PLPPR5: variants seen among roughly 807,000 people sequenced by gnomAD.
The protein encoded by PLPPR5 is phospholipid phosphatase related 5, also known as phospholipid phosphatase-related protein type 5.
PLPPR5 carries 16 observed loss-of-function variants against 33.9 expected under a neutral mutation model. The ratio of observed to expected loss-of-function variants is 0.47; its 90% CI spans 0.32 to 0.72. PLPPR5 has a LOEUF of 0.72. Among genes scored for constraint, PLPPR5 ranks in the 30% least tolerant of loss-of-function variants. The pLI, the probability that PLPPR5 is intolerant of heterozygous loss-of-function variation, is 0.03. For synonymous variants in PLPPR5, 163 were observed against 150.3 expected, an observed-to-expected ratio of 1.08 and a Z score of -0.62; for missense variants, 301 against 406.7, an observed-to-expected ratio of 0.74 and a Z score of 2.23.
intron 1 of PLPPR5, among the ~76,000 whole-genome samples, chr1:98,985,454 G>A (rs1652222665): frequency 6.6e-6 from 1 of 151,938 alleles, no homozygotes; most frequent in Admixed American, 6.6e-5. Context: ...TCATAACATT[G>A]TAGCACAACT....
intron 3 of PLPPR5, among the ~76,000 whole-genome samples, chr1:98,950,219 C>T (rs918372862): frequency 6.6e-5 from 10 of 151,980 alleles, no homozygotes; most frequent in South Asian, 4.2e-4. Flanking sequence ...AATAATATCA[C>T]GTACTTTAAG....
chr1:98,907,466 T>G (rs1648950954), intron 5 of PLPPR5, among the ~76,000 whole-genome samples: 1 of 152,138 alleles, frequency 6.6e-6, no homozygotes, highest in African/African-American at 2.4e-5. Context: ...AGTGCTGGGA[T>G]TACAAGTGTG....
chr1:98,915,020 TA>T (rs1484277107), intron 4 of PLPPR5, 100 bp from the exon 5 acceptor site: 1 of 1,021,278 alleles, frequency 9.8e-7, no homozygotes, highest in Non-Finnish European at 1.4e-6. Context: ...AAGAAAGTAT[TA>T]AAATTACTTA....
rs1212053932 is a variant in PLPPR5 at position 98,890,657 on chromosome 1, G to A, written c.*2415C>T. On this transcript the variant is annotated 3_prime_UTR_variant, in exon 6 of 6. Transcript: ENST00000263177. Reference sequence around the variant, plus strand: ...AGACTACATATGTACATATTTACATGGTAATATTTTCTGAAATATGATTTT... The same window carrying A: ...AGACTACATATGTACATATTTACATAGTAATATTTTCTGAAATATGATTTT... 1 of 152,410 alleles carries A rather than the reference G, an allele frequency of 6.6e-6. No homozygotes were observed. Among genetic ancestry groups the A allele is most frequent in the African/African-American group, 2.4e-5 (1 of 41,386 alleles). 9.4% of individuals were successfully genotyped at this position (152,410 alleles called of 1,614,324 possible).
intron 1 of PLPPR5, among the ~76,000 whole-genome samples, chr1:98,992,033 T>C (rs1557696066): frequency 6.6e-6 from 1 of 152,162 alleles, no homozygotes; most frequent in Non-Finnish European, 1.5e-5. Context: ...ATGCAGAATA[T>C]ATAAGATAAG....
intron 3 of PLPPR5, among the ~76,000 whole-genome samples, chr1:98,930,587 G>A (rs1570707432): frequency 6.6e-6 from 1 of 152,266 alleles, no homozygotes; most frequent in East Asian, 1.9e-4. Context: ...ATAGGTTTGT[G>A]ATCAGCAACA....
At chr1:98,909,735 C>T (rs1396033558) in intron 5 of PLPPR5, among the ~76,000 whole-genome samples, 1 of 152,120 alleles carries the variant, frequency 6.6e-6, no homozygotes, top group Non-Finnish European at 1.5e-5. Flanking sequence ...CACTACAATG[C>T]ACTGGATCCC....
intron 1 of PLPPR5, among the ~76,000 whole-genome samples, chr1:98,978,414 T>A (rs1315705461): frequency 6.6e-6 from 1 of 152,090 alleles, no homozygotes. Flanking sequence ...TTCAGCTACA[T>A]GTAAATTATT....
At position 98,953,052 on chromosome 1, in the gene PLPPR5, T is replaced by TTTATAATCCTTAC. The variant is rs768323617; in HGVS notation, c.621+5_621+17dup. ...CAATAATACAGACTAAGACAACAAA[T>TTTATAATCCTTAC]TTATAATCCTTACTTACGGTCAGAT... On this transcript the variant is annotated intron_variant, in intron 3 of 5. Transcript: ENST00000263177. The TTTATAATCCTTAC allele has an allele frequency of 6.2e-7, 1 of 1,613,174 alleles. No individual in the cohort carries two copies. The highest frequency in any genetic ancestry group is 8.5e-7 in the Non-Finnish European group (1 of 1,179,480).
chr1:99,002,673 T>C (rs1652894726), intron 1 of PLPPR5, among the ~76,000 whole-genome samples: 1 of 152,100 alleles, frequency 6.6e-6, no homozygotes, highest in Admixed American at 6.5e-5. Flanking sequence ...TCCAAATCAT[T>C]GGGTGAGTGT....
intron 1 of PLPPR5, among the ~76,000 whole-genome samples, chr1:98,981,526 C>T (rs555857463): frequency 7.2e-5 from 11 of 152,106 alleles, no homozygotes; most frequent in Admixed American, 4.6e-4. Flanking sequence ...TTTCTCACTC[C>T]ACTCCACCTC....
At chr1:98,925,705 A>G (rs1199861674) in intron 3 of PLPPR5, among the ~76,000 whole-genome samples, 2 of 149,242 alleles carry the variant, frequency 1.3e-5, no homozygotes, top group Admixed American at 6.7e-5. Context: ...ATAAAAAAAC[A>G]CAAATATTTA....
intron 1 of PLPPR5, among the ~76,000 whole-genome samples, chr1:98,979,358 A>G (rs1352853074): frequency 6.6e-6 from 1 of 152,024 alleles, no homozygotes; most frequent in African/African-American, 2.4e-5. Context: ...TAATTTTTTA[A>G]GCCTCAGTTT....
intron 5 of PLPPR5, among the ~76,000 whole-genome samples, chr1:98,896,821 T>C (rs1301782768): frequency 6.6e-6 from 1 of 151,554 alleles, no homozygotes; most frequent in African/African-American, 2.4e-5. Flanking sequence ...CACCTCCACA[T>C]AGAAAATACA....
At chr1:98,976,084 C>T (rs1450207572) in intron 1 of PLPPR5, among the ~76,000 whole-genome samples, 4 of 84,026 alleles carry the variant, frequency 4.8e-5, no homozygotes, top group Admixed American at 3.1e-4. Flanking sequence ...GATCATCCTA[C>T]TAAAAAGTAA....
intron 1 of PLPPR5, among the ~76,000 whole-genome samples, chr1:98,960,339 G>A (rs963944685): frequency 6.6e-6 from 1 of 151,966 alleles, no homozygotes; most frequent in African/African-American, 2.4e-5. Context: ...AAGTAGGTGG[G>A]ACTATAGGCA....
intron 3 of PLPPR5, among the ~76,000 whole-genome samples, chr1:98,938,675 A>T (rs891583132): frequency 6.6e-6 from 1 of 151,954 alleles, no homozygotes; most frequent in African/African-American, 2.4e-5. Context: ...TGGGCTCATA[A>T]AAGAAGATGA....
intron 3 of PLPPR5, among the ~76,000 whole-genome samples, chr1:98,940,328 T>C (rs1650326262): frequency 6.6e-6 from 1 of 151,830 alleles, no homozygotes; most frequent in Admixed American, 6.6e-5. Flanking sequence ...TGTCTCTTCT[T>C]ATAAGGACAC....
Position 98,914,873 on chromosome 1 carries a change from C to T in PLPPR5, c.846G>A (p.Glu282=), listed in dbSNP as rs1188657899. The change falls in exon 5 of 6, where the codon GAG becomes GAA. Residue 282 remains glutamate (E), a synonymous_variant. Coordinates refer to ENST00000263177, the MANE Select transcript of PLPPR5 (RefSeq NM_001037317.2). ...NNFKGRQAEN[E]HIHMDNLAQM... ...GTGCCAGATTATCCATGTGTATATGCTCATTTTCTGCTTGTCTCCCTTTGA... is the reference window on the plus strand; with the variant it reads ...GTGCCAGATTATCCATGTGTATATGTTCATTTTCTGCTTGTCTCCCTTTGA... 2.5e-6 allele frequency: 4 copies of T among 1,612,692 alleles called. No individual in the cohort carries two copies. Among genetic ancestry groups the T allele is most frequent in the Non-Finnish European group, 3.4e-6 (4 of 1,179,642 alleles).
Sources: gnomAD v4.1 joint callset for allele counts (sites outside exome capture counted in the v4.1 genomes callset) on GRCh38, gnomAD v4.1.1 for gene constraint, MANE v1.5 for transcripts, NCBI Gene and HGNC (gene_info 2026-07-23, HGNC 2026-07-21) for gene names.